The following DNA2 variants were observed in gnomAD, a reference collection of about 807,000 sequenced individuals.
DNA2 encodes DNA replication ATP-dependent helicase/nuclease DNA2.
A neutral mutation model predicts 119.1 loss-of-function variants in DNA2; 101 were observed. The ratio of observed to expected loss-of-function variants is 0.85; its 90% CI spans 0.72 to 1.00. The LOEUF (loss-of-function observed/expected upper bound fraction) is 1.00. Ranked by LOEUF, DNA2 falls within the 50% of genes least tolerant of loss-of-function variation. DNA2 has a pLI of 0.00. For missense variants in DNA2, 1,121 were observed against 1,255.5 expected, an observed-to-expected ratio of 0.89 and a Z score of 1.62; for synonymous variants, 366 against 424.4, an observed-to-expected ratio of 0.86 and a Z score of 1.69.
intron 1 of DNA2, chr10:68,470,640 T>G (rs1564900487): frequency 2.2e-6 from 1 of 444,992 alleles, no homozygotes; most frequent in South Asian, 1.6e-5. Flanking sequence ...AAGGAAAGTA[T>G]AAATTGGACA....
At chr10:68,443,560 A>C (rs1469110554) in intron 8 of DNA2, among the ~76,000 whole-genome samples, 1 of 152,232 alleles carries the variant, frequency 6.6e-6, no homozygotes, top group Non-Finnish European at 1.5e-5. Flanking sequence ...CCAAACACTG[A>C]CGATAAACAT....
At chr10:68,424,369 T>A (rs2051706744) in intron 14 of DNA2, among the ~76,000 whole-genome samples, 1 of 151,936 alleles carries the variant, frequency 6.6e-6, no homozygotes, top group South Asian at 2.1e-4. Flanking sequence ...CTGAGTATGC[T>A]GGCATATACC....
intron 20 of DNA2, 176 bp downstream of exon 20, chr10:68,416,533 G>A: frequency 6.9e-6 from 4 of 576,268 alleles, no homozygotes; most frequent in Non-Finnish European, 1.2e-5. Flanking sequence ...ATAGGCTGGG[G>A]GCCGTGGCTC....
chr10:68,424,478 T>C, intron 14 of DNA2: 1 of 572,630 alleles, frequency 1.7e-6, no homozygotes, highest in Non-Finnish European at 3.2e-6. Flanking sequence ...AACTCCAGCC[T>C]GGGTGACAAA....
chr10:68,441,335 TAAAAAAAAA>T (rs35334686), intron 9 of DNA2, among the ~76,000 whole-genome samples: 2 of 121,116 alleles, frequency 1.7e-5, no homozygotes, highest in African/African-American at 5.9e-5. Flanking sequence ...CCCTGTCTCT[TAAAAAAAAA>T]AAAAAAAAAA....
Position 68,422,444 on chromosome 10 carries a change from A to G in DNA2, c.2493-15T>C, listed in dbSNP as rs746296708. The G allele has an allele frequency of 2.5e-6, 4 of 1,612,936 alleles. No individual in the cohort carries two copies. Among genetic ancestry groups the G allele is most frequent in the Non-Finnish European group, 3.4e-6 (4 of 1,179,356 alleles). On this transcript the variant is annotated splice_polypyrimidine_tract_variant and intron_variant, in intron 16 of 20. Transcript: ENST00000358410. Reference sequence around the variant, plus strand: ...ACATAATTTTACTAAGGGAATTACAAAAGATAACTTTAGTTTTGGTAGATG... The same window carrying G: ...ACATAATTTTACTAAGGGAATTACAGAAGATAACTTTAGTTTTGGTAGATG...
intron 9 of DNA2, among the ~76,000 whole-genome samples, chr10:68,442,189 A>G (rs569972075): frequency 1.4e-4 from 21 of 151,452 alleles, no homozygotes; most frequent in Admixed American, 1.3e-3. Context: ...TGCTGGGATT[A>G]CAGGCATGAC....
intron 5 of DNA2, among the ~76,000 whole-genome samples, chr10:68,456,765 T>C (rs1554908735): frequency 6.6e-6 from 1 of 150,622 alleles, no homozygotes; most frequent in South Asian, 2.1e-4. Flanking sequence ...TTGAAAATAT[T>C]GAGAGAACAT....
Position 68,450,052 on chromosome 10 carries a change from T to C in DNA2, c.915A>G (p.Ser305=), listed in dbSNP as rs2052097648. The part of the protein sequence containing the change: ...MPLELKTGKE[S]NSIEHRSQVV... ...CCTGACTACGGTGTTCAATAGAATTTGATTCTTTGCCAGTTTTAAGTTCCA... is the reference window on the plus strand; with the variant it reads ...CCTGACTACGGTGTTCAATAGAATTCGATTCTTTGCCAGTTTTAAGTTCCA... Residue 305 remains serine, a synonymous_variant, in exon 6 of 21, where the codon TCA becomes TCG. Coordinates refer to ENST00000358410, the MANE Select transcript of DNA2 (RefSeq NM_001080449.3). 1 of 1,596,704 alleles carries C rather than the reference T, an allele frequency of 6.3e-7. No individual in the cohort carries two copies. The highest frequency in any genetic ancestry group is 2.2e-5 in the East Asian group (1 of 44,616).
At chr10:68,424,517 AAAAC>A in intron 14 of DNA2, 1 of 664,654 alleles carries the variant, frequency 1.5e-6, no homozygotes, top group East Asian at 2.7e-5. Flanking sequence ...AAAAAAAAAA[AAAAC>A]AAAACAGGCC....
At chr10:68,427,350 A>C (rs996962644) in intron 14 of DNA2, among the ~76,000 whole-genome samples, 2 of 149,738 alleles carry the variant, frequency 1.3e-5, no homozygotes, top group African/African-American at 5.0e-5. Context: ...AACGTGTCAA[A>C]AACAAAAAAA....
chr10:68,449,890 C>A lies in DNA2; in HGVS notation c.939+138G>T. ...ATCACACCATTGCACTCCAGCCTGG[C>A]ATGAACCCAGGAGGCGGAGCTTTCA... On this transcript the variant is annotated intron_variant, in intron 6 of 20. Transcript: ENST00000358410. 8.0e-6 allele frequency: 5 copies of A among 628,326 alleles called. No individual in the cohort carries two copies. In the East Asian group the frequency reaches 1.1e-4, roughly 14 times the overall value. 38.9% of individuals were successfully genotyped at this position (628,326 alleles called of 1,614,324 possible).
At chr10:68,444,751 G>C (rs1162885897) in intron 8 of DNA2, among the ~76,000 whole-genome samples, 170 bp downstream of exon 8, 2 of 148,832 alleles carry the variant, frequency 1.3e-5, no homozygotes, top group African/African-American at 5.0e-5. Flanking sequence ...AAGAAAGAAA[G>C]TACTGTGGTT....
intron 18 of DNA2, 71 bp from the exon 19 acceptor site, chr10:68,419,284 T>A: frequency 8.2e-7 from 1 of 1,218,976 alleles, no homozygotes; most frequent in Non-Finnish European, 1.1e-6. Context: ...ATTTAATAAT[T>A]AAATGTTTAC....
rs2051632729 is a variant in DNA2, at chr10:68,419,124, C to G, written c.2877G>C (p.Gly959=). 2.5e-6 allele frequency: 4 copies of G among 1,613,264 alleles called. No homozygotes were observed. The highest frequency in any genetic ancestry group is 2.7e-5 in the African/African-American group (2 of 74,876). Residue 959 remains glycine, a synonymous_variant, in exon 19 of 21, where the codon GGG becomes GGC. Coordinates refer to ENST00000358410, the MANE Select transcript of DNA2 (RefSeq NM_001080449.3). ...TGTCTACTGTATTAACTTCGACCAT[C>G]CCAATAGAACGTGCCAATAAATCAT... The part of the protein sequence containing the change: ...IINDLLARSI[G]MVEVNTVDKY...
At position 68,419,139 on chromosome 10, in the gene DNA2, C is replaced by G. The variant is rs1186034135; in HGVS notation, c.2862G>C (p.Leu954Phe). ...CTTCGACCATCCCAATAGAACGTGC[C>G]AATAAATCATTGATGATCTTTAATT... ...RQQLKIINDLLARSIGMVEVN... is the reference protein window; with the variant it reads ...RQQLKIINDLFARSIGMVEVN... The change falls in exon 19 of 21, where the codon TTG becomes TTC. Residue 954 changes from leucine (L) to phenylalanine (F), a missense_variant. Physicochemically the swap from Leu to Phe is conservative, Grantham distance 22. Transcript: ENST00000358410. 2.2e-5 allele frequency: 35 copies of G among 1,613,138 alleles called. No homozygotes were observed. The highest frequency in any genetic ancestry group is 3.3e-5 in the Admixed American group (2 of 59,906).
intron 4 of DNA2, among the ~76,000 whole-genome samples, chr10:68,461,717 A>G (rs577137204): frequency 5.9e-5 from 9 of 151,528 alleles, no homozygotes; most frequent in African/African-American, 2.2e-4. Context: ...AATCCCAGCT[A>G]CTCGGGAGGC....
intron 14 of DNA2, among the ~76,000 whole-genome samples, chr10:68,426,050 C>T (rs1337221629): frequency 1.3e-5 from 2 of 151,644 alleles, no homozygotes; most frequent in Non-Finnish European, 2.9e-5. Flanking sequence ...GCATGAGAAC[C>T]ATCTGAACCT....
chr10:68,447,028 T>C (rs981224652), intron 6 of DNA2, among the ~76,000 whole-genome samples: 10 of 152,154 alleles, frequency 6.6e-5, no homozygotes, highest in Admixed American at 4.6e-4. Context: ...ACACAAATAA[T>C]AAATGTTTGA....
Sources: allele counts gnomAD v4.1 joint callset (sites outside exome capture counted in the v4.1 genomes callset), GRCh38; gene constraint gnomAD v4.1.1; transcripts MANE v1.5; gene names NCBI Gene and HGNC (gene_info 2026-07-23, HGNC 2026-07-21).